Variants in PLS1 observed in about 807,000 individuals in gnomAD.
The protein encoded by PLS1 is plastin 1.
Under a neutral mutation model 73.7 loss-of-function variants are expected in PLS1, and 32 were observed. The ratio of observed to expected loss-of-function variants is 0.43; its 90% CI spans 0.33 to 0.58. PLS1 has a LOEUF of 0.58. PLS1 is among the 20% of genes least tolerant of loss of function. The pLI, the probability that PLS1 is intolerant of heterozygous loss-of-function variation, is 0.04. For synonymous variants in PLS1, 217 were observed against 261.3 expected, an observed-to-expected ratio of 0.83 and a Z score of 1.63; for missense variants, 633 against 740.5, an observed-to-expected ratio of 0.85 and a Z score of 1.68.
At chr3:142,649,700 A>C (rs1242214972) in intron 1 of PLS1, among the ~76,000 whole-genome samples, 3 of 151,998 alleles carry the variant, frequency 2.0e-5, no homozygotes, top group Non-Finnish European at 2.9e-5. Context: ...GAAAAGGTAC[A>C]AAGCAGTCAT....
intron 1 of PLS1, among the ~76,000 whole-genome samples, chr3:142,609,885 T>A (rs1477616899): frequency 6.6e-6 from 1 of 152,212 alleles, no homozygotes; most frequent in Non-Finnish European, 1.5e-5. Context: ...TGTATTTATT[T>A]TGAGATGGAG....
chr3:142,617,470 A>G (rs533309020), intron 1 of PLS1, among the ~76,000 whole-genome samples: 2 of 152,322 alleles, frequency 1.3e-5, no homozygotes, highest in African/African-American at 4.8e-5. Flanking sequence ...CTTGATCAGC[A>G]TAGCAGAGGT....
At chr3:142,641,742 G>A (rs532903251) in intron 1 of PLS1, among the ~76,000 whole-genome samples, 1 of 152,028 alleles carries the variant, frequency 6.6e-6, no homozygotes, top group East Asian at 1.9e-4. Context: ...AGATCCTTAT[G>A]GTTTCGTTGG....
At chr3:142,645,192 T>A (rs1012366226) in intron 1 of PLS1, 1 of 152,228 alleles carries the variant, frequency 6.6e-6, no homozygotes, top group African/African-American at 2.4e-5. Flanking sequence ...CAGTACCTTT[T>A]CAAATCCATA....
chr3:142,682,527 T>G (rs6779619), intron 6 of PLS1, among the ~76,000 whole-genome samples: 2,775 of 152,290 alleles, frequency 0.018, 85 homozygotes, highest in African/African-American at 0.063. Flanking sequence ...AATTACACAC[T>G]TCTTTTGGCC....
chr3:142,644,468 G>A (rs745935472), intron 1 of PLS1, among the ~76,000 whole-genome samples: 4 of 151,852 alleles, frequency 2.6e-5, no homozygotes, highest in Non-Finnish European at 4.4e-5. Context: ...GTCCAGGCTC[G>A]TCTCAAACTC....
At chr3:142,679,675 A>T (rs972311596) in intron 6 of PLS1, among the ~76,000 whole-genome samples, 1 of 151,604 alleles carries the variant, frequency 6.6e-6, no homozygotes, top group Non-Finnish European at 1.5e-5. Flanking sequence ...TGGTTACTGC[A>T]GCCTTGTAGT....
rs761805558 is a variant in PLS1, at chr3:142,712,032, A to G, written c.*25A>G. 2 of 1,603,710 alleles carry G rather than the reference A, an allele frequency of 1.2e-6. No homozygotes were observed. The highest frequency in any genetic ancestry group is 3.3e-5 in the Admixed American group (2 of 59,974). On this transcript the variant is annotated 3_prime_UTR_variant, in exon 16 of 16. Transcript: ENST00000457734. ...ATCATTTCATATGATTTTCTGCCAC[A>G]TTAAACATATTGTATGCCTCACAGT...
At chr3:142,689,199 C>T (rs1018286442) in intron 9 of PLS1, among the ~76,000 whole-genome samples, 10 of 151,926 alleles carry the variant, frequency 6.6e-5, no homozygotes, top group South Asian at 2.1e-4. Flanking sequence ...TTTGGGAGGC[C>T]GAGGTGGGCG....
chr3:142,660,433 A>G (rs1438308908), intron 1 of PLS1, among the ~76,000 whole-genome samples: 3 of 152,212 alleles, frequency 2.0e-5, no homozygotes, highest in Admixed American at 2.0e-4. Context: ...TTAGCCTTGC[A>G]TACCTTAAAC....
chr3:142,599,217 A>AAATAAAT, intron 1 of PLS1, among the ~76,000 whole-genome samples: 1 of 141,672 alleles, frequency 7.1e-6, no homozygotes, highest in African/African-American at 2.8e-5. Context: ...AATAAATAAA[A>AAATAAAT]AGTGCATTTT....
At chr3:142,643,482 G>A (rs1039672859) in intron 1 of PLS1, among the ~76,000 whole-genome samples, 30 of 152,212 alleles carry the variant, frequency 2.0e-4, no homozygotes, top group Admixed American at 1.0e-3. Flanking sequence ...CATCAGATAA[G>A]AGCCAAATAC....
chr3:142,610,028 C>G (rs1052163143), intron 1 of PLS1, among the ~76,000 whole-genome samples: 8 of 152,176 alleles, frequency 5.3e-5, no homozygotes, highest in African/African-American at 1.9e-4. Context: ...GCCACCATAC[C>G]CAGCTAATTT....
chr3:142,641,158 TTATATA>T (rs138316946), intron 1 of PLS1, among the ~76,000 whole-genome samples: 1 of 136,614 alleles, frequency 7.3e-6, no homozygotes, highest in Non-Finnish European at 1.5e-5. Flanking sequence ...CCCAGAGTGA[TTATATA>T]TATATATATA....
At chr3:142,601,626 C>A (rs1353022148) in intron 1 of PLS1, among the ~76,000 whole-genome samples, 1 of 152,052 alleles carries the variant, frequency 6.6e-6, no homozygotes, top group Admixed American at 6.6e-5. Context: ...AACTCCTGGG[C>A]TCAAGCAGTC....
rs554242863 is a variant in PLS1, at chr3:142,706,748, T to C, written c.1629+2162T>C. On this transcript the variant is annotated intron_variant, in intron 14 of 15. Transcript: ENST00000457734. The stretch of plus-strand genomic sequence containing the variant: ...GGTAAGATTAGAAAGCTATAAGTTA[T>C]TGCAAAAGAAGAACTAGGATTTGGC... Among the ~76,000 whole-genome samples, 71 of 152,012 alleles carry C rather than the reference T, an allele frequency of 4.7e-4. 1 individual carries two copies. Among genetic ancestry groups the C allele is most frequent in the Non-Finnish European group, 2.1e-4 (14 of 68,006 alleles).
At chr3:142,704,635 ATTTTTTTTTTTT>A (rs10631186) in intron 14 of PLS1, 49 bp downstream of exon 14, 155 of 261,934 alleles carry the variant, frequency 5.9e-4, no homozygotes, top group South Asian at 1.4e-3. Context: ...ATAGGAAGGA[ATTTTTTTTTTTT>A]TTTTTTTTTT....
At chr3:142,635,409 G>A (rs1409785119) in intron 1 of PLS1, among the ~76,000 whole-genome samples, 1 of 149,246 alleles carries the variant, frequency 6.7e-6, no homozygotes, top group African/African-American at 2.5e-5. Flanking sequence ...GGCTAACATG[G>A]TGAAGTCTTG....
intron 1 of PLS1, among the ~76,000 whole-genome samples, chr3:142,599,460 G>C (rs964185641): frequency 6.6e-6 from 1 of 151,128 alleles, no homozygotes; most frequent in Admixed American, 6.6e-5. Flanking sequence ...CTCCCGAGTA[G>C]CTGGGACTAC....
Sources: gnomAD v4.1 joint callset for allele counts (sites outside exome capture counted in the v4.1 genomes callset) on GRCh38, gnomAD v4.1.1 for gene constraint, MANE v1.5 for transcripts, NCBI Gene and HGNC (gene_info 2026-07-23, HGNC 2026-07-21) for gene names.